Variants in DLGAP1 observed in about 807,000 individuals in gnomAD.
DLGAP1 encodes the protein DLG associated protein 1.
Under a neutral mutation model 90.8 loss-of-function variants are expected in DLGAP1, and 11 were observed. That is an observed-to-expected ratio of 0.12 (90% CI 0.08 to 0.20). DLGAP1 has a LOEUF of 0.20. Ranked by LOEUF, DLGAP1 falls within the 10% of genes least tolerant of loss-of-function variation. The probability of loss-of-function intolerance (pLI) is 1.00; values close to 1 mark genes in which losing one functional copy is unlikely to be tolerated. For synonymous variants in DLGAP1, 558 were observed against 540.7 expected (o/e 1.03, Z -0.44); for missense variants, 1,050 against 1,333.8 (o/e 0.79, Z 3.31).
chr18:4,345,587 A>T (rs1052898101), intron 1 of DLGAP1, among the ~76,000 whole-genome samples: 1 of 152,238 alleles, frequency 6.6e-6, no homozygotes, highest in South Asian at 2.1e-4. Context: ...TCACACAACT[A>T]TATTTCAGTT....
At chr18:3,944,440 T>C (rs772117046) in intron 3 of DLGAP1, among the ~76,000 whole-genome samples, 2 of 152,100 alleles carry the variant, frequency 1.3e-5, no homozygotes, top group Non-Finnish European at 2.9e-5. Flanking sequence ...AGGTGGAGGT[T>C]GCAGTGAGCT....
At chr18:4,418,045 C>T (rs996024222) in intron 1 of DLGAP1, among the ~76,000 whole-genome samples, 8 of 152,122 alleles carry the variant, frequency 5.3e-5, no homozygotes, top group Non-Finnish European at 8.8e-5. Context: ...AAACAAAACA[C>T]GTTTGACAAC....
chr18:3,889,160 G>A (rs1220792161), intron 3 of DLGAP1, among the ~76,000 whole-genome samples: 1 of 152,144 alleles, frequency 6.6e-6, no homozygotes, highest in African/African-American at 2.4e-5. Context: ...GAATCTAGGA[G>A]AAAGAAGAAA....
At chr18:3,978,248 G>T (rs545849988) in intron 3 of DLGAP1, 7 of 422,742 alleles carry the variant, frequency 1.7e-5, no homozygotes, top group South Asian at 1.8e-5. Flanking sequence ...CAGCAGAGGG[G>T]GCAGAGGTGA....
At chr18:3,703,057 C>G (rs574246436) in intron 7 of DLGAP1, among the ~76,000 whole-genome samples, 2 of 152,240 alleles carry the variant, frequency 1.3e-5, no homozygotes, top group African/African-American at 2.4e-5. Flanking sequence ...AGATGTGGAG[C>G]CTGATGGTGC....
chr18:3,637,325 C>T (rs1246236391), intron 7 of DLGAP1, among the ~76,000 whole-genome samples: 1 of 152,022 alleles, frequency 6.6e-6, no homozygotes, highest in Non-Finnish European at 1.5e-5. Context: ...GAAAAGTCTC[C>T]ATCTGAGGCT....
chr18:4,232,891 A>G (rs116798300), intron 1 of DLGAP1, among the ~76,000 whole-genome samples: 345 of 152,280 alleles, frequency 2.3e-3, no homozygotes, highest in African/African-American at 8.0e-3. Flanking sequence ...ACTTCTGCAG[A>G]AATCTTGTAC....
At chr18:3,764,031 T>C (rs2064099570) in intron 5 of DLGAP1, among the ~76,000 whole-genome samples, 1 of 152,192 alleles carries the variant, frequency 6.6e-6, no homozygotes, top group Admixed American at 6.5e-5. Flanking sequence ...GCAGCTAATG[T>C]GATGAGAAAA....
intron 1 of DLGAP1, among the ~76,000 whole-genome samples, chr18:4,268,762 A>G (rs1168274097): frequency 6.6e-6 from 1 of 152,192 alleles, no homozygotes; most frequent in Non-Finnish European, 1.5e-5. Context: ...TACTTCAAAG[A>G]TAATAGATTT....
At chr18:3,553,553 A>T (rs971508625) in intron 9 of DLGAP1, among the ~76,000 whole-genome samples, 3 of 152,126 alleles carry the variant, frequency 2.0e-5, no homozygotes, top group African/African-American at 7.2e-5. Context: ...TGTTTGTTTG[A>T]GACAGAGTCT....
At chr18:4,432,589 AGTGTGTGTGT>A (rs545618675) in intron 1 of DLGAP1, among the ~76,000 whole-genome samples, 6 of 111,472 alleles carry the variant, frequency 5.4e-5, no homozygotes, top group African/African-American at 1.5e-4. Flanking sequence ...CACCTCACAT[AGTGTGTGTGT>A]GTGTGTGTGT....
intron 3 of DLGAP1, chr18:3,896,022 T>A (rs982563464): frequency 1.4e-4 from 21 of 152,262 alleles, no homozygotes; most frequent in African/African-American, 5.1e-4. Flanking sequence ...CAGAATTATC[T>A]AACTAGTATT....
At chr18:3,693,066 T>G (rs2060954237) in intron 7 of DLGAP1, among the ~76,000 whole-genome samples, 1 of 152,222 alleles carries the variant, frequency 6.6e-6, no homozygotes, top group Non-Finnish European at 1.5e-5. Context: ...ACTGCTAATG[T>G]CAAGGAACAA....
chr18:3,562,761 G>A (rs1308504812), intron 9 of DLGAP1, among the ~76,000 whole-genome samples: 2 of 151,502 alleles, frequency 1.3e-5, no homozygotes, highest in Middle Eastern at 3.4e-3. Context: ...AAAGTGTTGG[G>A]ATTACAGGAA....
chr18:3,953,328 C>T (rs2073025169), intron 3 of DLGAP1, among the ~76,000 whole-genome samples: 1 of 152,146 alleles, frequency 6.6e-6, no homozygotes, highest in Admixed American at 6.5e-5. Flanking sequence ...CACTCAGTCC[C>T]CCTCCCACCC....
At chr18:4,078,450 G>A (rs958640765) in intron 2 of DLGAP1, among the ~76,000 whole-genome samples, 1 of 152,174 alleles carries the variant, frequency 6.6e-6, no homozygotes, top group South Asian at 2.1e-4. Context: ...ACCTAGGAAT[G>A]GACGTTTTTA....
intron 3 of DLGAP1, among the ~76,000 whole-genome samples, chr18:3,880,944 G>GAAAAAAAAAAAAAAAA (rs1173817359): frequency 1.6e-4 from 6 of 38,354 alleles, no homozygotes; most frequent in Non-Finnish European, 2.1e-4. Context: ...CTCCATCTCA[G>GAAAAAAAAAAAAAAAA]AAAAAAAAAA....
chr18:3,820,551 A>G (rs956410397), intron 4 of DLGAP1, among the ~76,000 whole-genome samples: 2 of 152,216 alleles, frequency 1.3e-5, no homozygotes, highest in Non-Finnish European at 2.9e-5. Flanking sequence ...CCCAAGCACA[A>G]GGTATTTCAA....
chr18:4,438,968 T>C (rs866919261), intron 1 of DLGAP1, among the ~76,000 whole-genome samples: 1 of 152,204 alleles, frequency 6.6e-6, no homozygotes, highest in Non-Finnish European at 1.5e-5. Context: ...CAAAACACTG[T>C]GGCTAGCAAT....
Sources: allele counts gnomAD v4.1 joint callset (sites outside exome capture counted in the v4.1 genomes callset), GRCh38; gene constraint gnomAD v4.1.1; transcripts MANE v1.5; gene names NCBI Gene and HGNC (gene_info 2026-07-23, HGNC 2026-07-21).